PHTF1: variants seen among roughly 807,000 people sequenced by gnomAD.
PHTF1 encodes the protein putative homeodomain transcription factor 1.
A neutral mutation model predicts 102.4 loss-of-function variants in PHTF1; 88 were observed. The ratio of observed to expected loss-of-function variants is 0.86; its 90% CI spans 0.72 to 1.03. The LOEUF (loss-of-function observed/expected upper bound fraction) is 1.03, where lower values mean the gene tolerates loss of function less well. Among genes scored for constraint, PHTF1 ranks in the 50% least tolerant of loss-of-function variants. The pLI, the probability that PHTF1 is intolerant of heterozygous loss-of-function variation, is 0.00. For synonymous variants in PHTF1, 289 were observed against 305.2 expected (o/e 0.95, Z 0.55); for missense variants, 814 against 909.5 (o/e 0.89, Z 1.35).
intron 7 of PHTF1, among the ~76,000 whole-genome samples, chr1:113,717,536 C>T (rs1652245384): frequency 6.6e-6 from 1 of 151,878 alleles, no homozygotes; most frequent in African/African-American, 2.4e-5. Context: ...ATATTCCATC[C>T]CAATAGAAAC....
chr1:113,736,295 T>C (rs1282634028), intron 5 of PHTF1, among the ~76,000 whole-genome samples: 3 of 141,872 alleles, frequency 2.1e-5, no homozygotes, highest in African/African-American at 8.1e-5. Context: ...TGAGCCAAGA[T>C]CGCGCCACTG....
chr1:113,731,065 A>C (rs187091533), intron 5 of PHTF1, among the ~76,000 whole-genome samples: 221 of 152,218 alleles, frequency 1.5e-3, no homozygotes, highest in African/African-American at 5.2e-3. Flanking sequence ...AAGATGAAAA[A>C]ATTTTGGAAA....
intron 7 of PHTF1, among the ~76,000 whole-genome samples, chr1:113,722,984 A>G (rs2101391790): frequency 6.6e-6 from 1 of 151,444 alleles, no homozygotes; most frequent in African/African-American, 2.4e-5. Context: ...ATTATATGGA[A>G]TCACAAAAGA....
At chr1:113,747,725 T>C (rs956238026) in intron 3 of PHTF1, among the ~76,000 whole-genome samples, 1 of 152,230 alleles carries the variant, frequency 6.6e-6, no homozygotes, top group African/African-American at 2.4e-5. Context: ...AGGCTGGGCA[T>C]AAAACTTCAG....
In PHTF1 at chr1:113,759,087, G is replaced by A; in HGVS notation, c.-95C>T. ...CGTCCTCAGTGCCCGGGGTCCCACC[G>A]TGAGGCCGGGGGCGAGGCGGCGGGC... On this transcript the variant is annotated 5_prime_UTR_variant, in exon 1 of 19. In the 5' UTR this introduces an upstream ATG that the reference lacks. Coordinates refer to ENST00000369604, the MANE Select transcript of PHTF1 (RefSeq NM_001323043.2). 1.0e-6 allele frequency: 1 copy of A among 993,636 alleles called. No homozygotes were observed. The highest frequency in any genetic ancestry group is 1.2e-6 in the Non-Finnish European group (1 of 835,658). 61.6% of individuals were successfully genotyped at this position (993,636 alleles called of 1,614,324 possible).
chr1:113,698,285 C>G lies in PHTF1; in HGVS notation c.2245G>C (p.Asp749His). Residue 749 changes from aspartate (D) to histidine (H), a missense_variant, in exon 18 of 19, where the codon GAT (aspartate) becomes CAT (histidine). Transcript: ENST00000369604. Reference protein sequence around the residue: ...ILSAVSGVISDLLGFNIRLWK... With the variant: ...ILSAVSGVISHLLGFNIRLWK... ...ACTCTTATATTAAATCCTAGAAGAT[C>G]ACTTATAACACCTGAGACAGCAGAA... is the stretch of plus-strand genomic sequence containing the variant. 2 of 1,608,008 alleles carry G rather than the reference C, an allele frequency of 1.2e-6. No homozygotes were observed. Among genetic ancestry groups the G allele is most frequent in the Non-Finnish European group, 1.7e-6 (2 of 1,175,112 alleles).
chr1:113,759,662 C>T (rs1659434462), upstream of PHTF1, among the ~76,000 whole-genome samples: 1 of 152,252 alleles, frequency 6.6e-6, no homozygotes, highest in South Asian at 2.1e-4. Flanking sequence ...TGGCCAAGAG[C>T]AGCTCCCTCA....
chr1:113,749,109 C>T (rs948824439), intron 3 of PHTF1, among the ~76,000 whole-genome samples: 2 of 152,142 alleles, frequency 1.3e-5, no homozygotes, highest in Admixed American at 6.5e-5. Context: ...CAATGTTATA[C>T]AATAGATGTC....
chr1:113,707,163 A>T (rs1650341230), intron 11 of PHTF1, among the ~76,000 whole-genome samples: 1 of 152,026 alleles, frequency 6.6e-6, no homozygotes, highest in Non-Finnish European at 1.5e-5. Context: ...TTAAGAAAGA[A>T]TTTCTAGAGC....
intron 7 of PHTF1, among the ~76,000 whole-genome samples, chr1:113,721,985 C>T (rs999799082): frequency 9.2e-5 from 14 of 151,590 alleles, no homozygotes; most frequent in African/African-American, 3.1e-4. Flanking sequence ...TGAGCCACTG[C>T]GCCCAGCCAA....
intron 13 of PHTF1, among the ~76,000 whole-genome samples, chr1:113,705,183 G>A (rs1026663723): frequency 4.6e-5 from 7 of 152,246 alleles, no homozygotes; most frequent in African/African-American, 1.7e-4. Flanking sequence ...CTCACGCCCT[G>A]TAATCCCAGC....
chr1:113,756,096 T>C (rs1029712387), intron 3 of PHTF1, among the ~76,000 whole-genome samples: 1 of 144,966 alleles, frequency 6.9e-6, no homozygotes, highest in South Asian at 2.2e-4. Flanking sequence ...GTGAAGGAAA[T>C]CTTTAAATTG....
chr1:113,737,808 A>G (rs1183592009), intron 5 of PHTF1, among the ~76,000 whole-genome samples: 4 of 152,162 alleles, frequency 2.6e-5, no homozygotes, highest in African/African-American at 9.7e-5. Flanking sequence ...CAAAAACAAA[A>G]ACAAAAAACA....
chr1:113,708,377 G>A (rs1650529202), intron 11 of PHTF1, among the ~76,000 whole-genome samples: 1 of 152,246 alleles, frequency 6.6e-6, no homozygotes, highest in South Asian at 2.1e-4. Context: ...TGTAGTCCCA[G>A]TACTTTCGGA....
At chr1:113,746,313 G>A (rs1657223270) in intron 3 of PHTF1, among the ~76,000 whole-genome samples, 1 of 152,186 alleles carries the variant, frequency 6.6e-6, no homozygotes, top group Non-Finnish European at 1.5e-5. Context: ...CAGTACTTTA[G>A]CAATTCACTG....
Position 113,712,084 on chromosome 1 carries a change from C to A in PHTF1, c.813G>T (p.Val271=). 1 of 1,614,048 alleles carries A rather than the reference C, an allele frequency of 6.2e-7. No individual in the cohort carries two copies. Among genetic ancestry groups the A allele is most frequent in the Non-Finnish European group, 8.5e-7 (1 of 1,179,968 alleles). Reference sequence around the variant, plus strand: ...CTTCTTCACTTGACAGGTCATCAGACACCCCATTACCCAAACGCCTAAAAG... The same window carrying A: ...CTTCTTCACTTGACAGGTCATCAGAAACCCCATTACCCAAACGCCTAAAAG... ...REAFRRLGNG[V]SDDLSSEEDG... Residue 271 remains valine (V), a synonymous_variant, in exon 9 of 19, where the codon GTG becomes GTT. Transcript: ENST00000369604.
intron 7 of PHTF1, among the ~76,000 whole-genome samples, chr1:113,720,059 T>G (rs1652673462): frequency 6.6e-6 from 1 of 151,914 alleles, no homozygotes; most frequent in Non-Finnish European, 1.5e-5. Context: ...TTCAATTACC[T>G]CCCCCTGGCT....
intron 15 of PHTF1, 127 bp from the exon 16 acceptor site, chr1:113,701,076 T>G (rs1332976841): frequency 1.4e-6 from 1 of 690,324 alleles, no homozygotes; most frequent in East Asian, 2.7e-5. Flanking sequence ...GCAGAAGAGC[T>G]TTAATACTCA....
Position 113,738,145 on chromosome 1 carries a change from A to T in PHTF1, c.296T>A (p.Ile99Asn). ...ATAAAGTAGTAACAGCCAAACAAAG[A>T]TTCTTAAAGAGGTAACCTGAATCCA... ...NWWIQVTSLR[I>N]FVWLLLLYFM... is the part of the protein sequence containing the mutation. The change falls in exon 5 of 19, where the codon ATC becomes AAC. Residue 99 changes from isoleucine (I) to asparagine (N), a missense_variant. Coordinates refer to ENST00000369604, the MANE Select transcript of PHTF1 (RefSeq NM_001323043.2). 6.2e-7 allele frequency: 1 copy of T among 1,612,636 alleles called. No homozygotes were observed. The highest frequency in any genetic ancestry group is 8.5e-7 in the Non-Finnish European group (1 of 1,178,764).
Sources: gnomAD v4.1 joint callset for allele counts (sites outside exome capture counted in the v4.1 genomes callset) on GRCh38, gnomAD v4.1.1 for gene constraint, MANE v1.5 for transcripts, NCBI Gene and HGNC (gene_info 2026-07-23, HGNC 2026-07-21) for gene names.